The following ARHGAP22 variants were observed in gnomAD, a reference collection of about 807,000 sequenced individuals.
ARHGAP22 encodes the protein Rho GTPase activating protein 22.
ARHGAP22 carries 48 observed loss-of-function variants against 59.1 expected under a neutral mutation model. The observed-to-expected ratio is 0.81, with a 90% CI of 0.64 to 1.03. ARHGAP22 has a LOEUF of 1.03. Among genes scored for constraint, ARHGAP22 ranks in the 50% least tolerant of loss-of-function variants. The pLI, the probability that ARHGAP22 is intolerant of heterozygous loss-of-function variation, is 0.00. For missense variants in ARHGAP22, 1,015 were observed against 958.7 expected, an observed-to-expected ratio of 1.06 and a Z score of -0.78; for synonymous variants, 445 against 416.4, an observed-to-expected ratio of 1.07 and a Z score of -0.84.
chr10:48,584,589 G>A (rs60857836), intron 1 of ARHGAP22, among the ~76,000 whole-genome samples: 3,279 of 152,292 alleles, frequency 0.022, 132 homozygotes, highest in African/African-American at 0.076. Flanking sequence ...GCGTGTCCTC[G>A]TTACTGTGGG....
At chr10:48,584,382 C>T (rs2059295454) in intron 1 of ARHGAP22, among the ~76,000 whole-genome samples, 1 of 152,176 alleles carries the variant, frequency 6.6e-6, no homozygotes, top group South Asian at 2.1e-4. Context: ...ATGGTGAGCT[C>T]CTATATATCC....
chr10:48,578,576 C>T (rs189388729), intron 2 of ARHGAP22, among the ~76,000 whole-genome samples: 66 of 151,782 alleles, frequency 4.3e-4, no homozygotes, highest in Non-Finnish European at 7.8e-4. Context: ...GTTTGATCTT[C>T]GCTCTCTCAT....
intron 1 of ARHGAP22, among the ~76,000 whole-genome samples, chr10:48,602,778 G>T (rs2135899594): frequency 6.6e-6 from 1 of 152,280 alleles, no homozygotes; most frequent in South Asian, 2.1e-4. Flanking sequence ...GTCACACTCA[G>T]GAGTATACAA....
intron 1 of ARHGAP22, among the ~76,000 whole-genome samples, chr10:48,611,469 G>A (rs2060882435): frequency 6.6e-6 from 1 of 152,036 alleles, no homozygotes; most frequent in African/African-American, 2.4e-5. Flanking sequence ...GGCAACCCCT[G>A]CCCTTCCCCA....
chr10:48,453,951 G>C, intron 7 of ARHGAP22, 137 bp downstream of exon 7: 1 of 880,758 alleles, frequency 1.1e-6, no homozygotes, highest in Non-Finnish European at 1.8e-6. Flanking sequence ...CTTCGTCCAC[G>C]CTGGGTTGAG....
At chr10:48,614,999 G>A (rs2061025698) in intron 1 of ARHGAP22, among the ~76,000 whole-genome samples, 1 of 152,182 alleles carries the variant, frequency 6.6e-6, no homozygotes, top group African/African-American at 2.4e-5. Context: ...GCTGCCTCAG[G>A]TGGTGGATAA....
chr10:48,542,190 C>A (rs878863204), intron 3 of ARHGAP22, among the ~76,000 whole-genome samples: 1 of 152,128 alleles, frequency 6.6e-6, no homozygotes, highest in Non-Finnish European at 1.5e-5. Flanking sequence ...CAGGAAGAGA[C>A]CAGCAAGGAA....
chr10:48,472,911 C>A (rs1449238700), intron 4 of ARHGAP22, among the ~76,000 whole-genome samples: 1 of 152,100 alleles, frequency 6.6e-6, no homozygotes, highest in Admixed American at 6.5e-5. Flanking sequence ...TAAAATGGGG[C>A]AGCCACTGTG....
intron 1 of ARHGAP22, among the ~76,000 whole-genome samples, chr10:48,601,811 C>A (rs750164347): frequency 6.6e-6 from 1 of 152,158 alleles, no homozygotes; most frequent in Non-Finnish European, 1.5e-5. Context: ...TATCAATAAT[C>A]CAACCTCAAA....
At chr10:48,515,276 C>A (rs1258514510) in intron 3 of ARHGAP22, among the ~76,000 whole-genome samples, 3 of 152,066 alleles carry the variant, frequency 2.0e-5, no homozygotes, top group African/African-American at 7.2e-5. Flanking sequence ...CAAAAGAGAT[C>A]TAGAGTGGGT....
At chr10:48,494,671 C>G (rs140702537) in intron 3 of ARHGAP22, among the ~76,000 whole-genome samples, 212 of 152,332 alleles carry the variant, frequency 1.4e-3, no homozygotes, top group African/African-American at 5.0e-3. Context: ...ACCTCTCCAG[C>G]AAAGAAAAGC....
chr10:48,434,857 T>C, the ARHGAP22 span: 10 of 1,584,352 alleles, frequency 6.3e-6, no homozygotes, highest in Non-Finnish European at 8.6e-6. Flanking sequence ...CTGCAACTGA[T>C]TTGCTGTTTT....
At chr10:48,594,799 T>A (rs1159432449) in intron 1 of ARHGAP22, among the ~76,000 whole-genome samples, 1 of 152,168 alleles carries the variant, frequency 6.6e-6, no homozygotes, top group Admixed American at 6.5e-5. Flanking sequence ...CACTCTTCAG[T>A]TGGGGGCTCA....
intron 3 of ARHGAP22, 122 bp from the exon 4 acceptor site, chr10:48,479,886 G>A: frequency 1.0e-6 from 1 of 972,646 alleles, no homozygotes. Context: ...CAACAGCTGA[G>A]CTTTGCTTTT....
At chr10:48,512,337 T>A (rs2052864080) in intron 3 of ARHGAP22, among the ~76,000 whole-genome samples, 1 of 152,252 alleles carries the variant, frequency 6.6e-6, no homozygotes, top group African/African-American at 2.4e-5. Flanking sequence ...CAGCCGTGGG[T>A]GGCCTTAGGC....
intron 3 of ARHGAP22, chr10:48,493,665 C>G: frequency 5.0e-6 from 7 of 1,403,102 alleles, no homozygotes; most frequent in Non-Finnish European, 6.5e-6. Context: ...TCCTGGGGAA[C>G]TTCTGCATTT....
chr10:48,441,295 G>A (rs1430101156), downstream of ARHGAP22, among the ~76,000 whole-genome samples: 1 of 152,152 alleles, frequency 6.6e-6, no homozygotes, highest in African/African-American at 2.4e-5. Flanking sequence ...ACCTAGAGAA[G>A]TGCAAGTGGG....
At chr10:48,582,016 C>T (rs1040159109) in intron 2 of ARHGAP22, among the ~76,000 whole-genome samples, 1 of 152,212 alleles carries the variant, frequency 6.6e-6, no homozygotes, top group Non-Finnish European at 1.5e-5. Context: ...ACACTTCATC[C>T]TTGACATGCT....
upstream of ARHGAP22, among the ~76,000 whole-genome samples, chr10:48,607,092 CAAT>C (rs1426766675): frequency 6.6e-6 from 1 of 152,130 alleles, no homozygotes; most frequent in Non-Finnish European, 1.5e-5. Context: ...TGGCTTGTGA[CAAT>C]GTCTTGAGCA....
Sources: allele counts gnomAD v4.1 joint callset (sites outside exome capture counted in the v4.1 genomes callset), GRCh38; gene constraint gnomAD v4.1.1; transcripts MANE v1.5; gene names NCBI Gene and HGNC (gene_info 2026-07-23, HGNC 2026-07-21).